Variants in USP10 observed in about 807,000 individuals in gnomAD.
USP10 encodes the protein ubiquitin carboxyl-terminal hydrolase 10.
A neutral mutation model predicts 84.5 loss-of-function variants in USP10; 22 were observed. That is an observed-to-expected ratio of 0.26 (90% CI 0.19 to 0.37). USP10 has a LOEUF of 0.37. USP10 is among the 10% of genes least tolerant of loss of function. USP10 has a pLI of 1.00. For missense variants in USP10, 1,019 were observed against 998.9 expected, an observed-to-expected ratio of 1.02 and a Z score of -0.27; for synonymous variants, 454 against 387.6, an observed-to-expected ratio of 1.17 and a Z score of -2.01.
chr16:84,707,294 G>A (rs893564916), intron 1 of USP10, among the ~76,000 whole-genome samples: 2 of 152,186 alleles, frequency 1.3e-5, no homozygotes, highest in African/African-American at 4.8e-5. Flanking sequence ...AAACTTTAAT[G>A]TTACTAATTA....
At position 84,706,664 on chromosome 16, in the gene USP10, C is replaced by T. The variant is rs549549020; in HGVS notation, c.21+6553C>T. ...CACGCCATTCTCCTGCCTCAGCCTC[C>T]GGAGTAGCTGGGAATACAGGTGTGC... On this transcript the variant is annotated intron_variant, in intron 1 of 13. Coordinates refer to ENST00000219473, the MANE Select transcript of USP10 (RefSeq NM_005153.3). 2.3e-4 allele frequency among the ~76,000 whole-genome samples: 35 copies of T among 151,894 alleles called. No homozygotes were observed. The East Asian group carries it at 3.3e-3, about 14-fold the overall frequency.
chr16:84,771,054 CAAA>C (rs34058047), intron 11 of USP10, among the ~76,000 whole-genome samples: 4 of 130,626 alleles, frequency 3.1e-5, no homozygotes, highest in Non-Finnish European at 4.8e-5. Flanking sequence ...GAGACTGTCT[CAAA>C]AAAAAAAAAA....
At chr16:84,769,143 C>T (rs1036706796) in intron 11 of USP10, among the ~76,000 whole-genome samples, 2 of 152,138 alleles carry the variant, frequency 1.3e-5, no homozygotes, top group African/African-American at 2.4e-5. Context: ...CCATAGCATT[C>T]CTGCAAAGCG....
intron 2 of USP10, among the ~76,000 whole-genome samples, chr16:84,733,833 T>A (rs1192464941): frequency 2.0e-5 from 3 of 152,248 alleles, no homozygotes. Context: ...TTTTATCATA[T>A]ACGTGTATAT....
chr16:84,755,162 G>T (rs1231809849), intron 4 of USP10, among the ~76,000 whole-genome samples: 1 of 150,270 alleles, frequency 6.7e-6, no homozygotes, highest in African/African-American at 2.5e-5. Context: ...TTGTATGCCT[G>T]GCCCTGGTGG....
chr16:84,755,694 A>T (rs1262494470), intron 4 of USP10, among the ~76,000 whole-genome samples: 1 of 151,798 alleles, frequency 6.6e-6, no homozygotes, highest in Non-Finnish European at 1.5e-5. Context: ...GCTACTCGGG[A>T]GGCTGAGGCA....
intron 4 of USP10, among the ~76,000 whole-genome samples, chr16:84,752,391 C>G (rs955323464): frequency 3.3e-5 from 5 of 152,210 alleles, no homozygotes; most frequent in Admixed American, 6.5e-5. Flanking sequence ...AATAGATACA[C>G]CAATGGCAAT....
intron 4 of USP10, among the ~76,000 whole-genome samples, chr16:84,748,601 G>A (rs539929580): frequency 1.3e-5 from 2 of 152,270 alleles, no homozygotes; most frequent in East Asian, 3.9e-4. Flanking sequence ...ACCGCGCCCA[G>A]CTGAGAATAT....
chr16:84,730,084 C>T (rs79666811), intron 1 of USP10, among the ~76,000 whole-genome samples: 1,885 of 152,104 alleles, frequency 0.012, 30 homozygotes, highest in African/African-American at 0.043. Flanking sequence ...CAAGAAAACC[C>T]TCCAAAAAAC....
At chr16:84,762,834 T>C (rs1287643601) in intron 8 of USP10, among the ~76,000 whole-genome samples, 155 bp from the exon 9 acceptor site, 2 of 152,220 alleles carry the variant, frequency 1.3e-5, no homozygotes, top group Non-Finnish European at 2.9e-5. Flanking sequence ...ATTTCAGCTA[T>C]GCAAGGGAAA....
intron 3 of USP10, among the ~76,000 whole-genome samples, chr16:84,740,837 ACT>A (rs1277660967): frequency 6.6e-6 from 1 of 152,048 alleles, no homozygotes; most frequent in African/African-American, 2.4e-5. Flanking sequence ...ACTCAGGTCA[ACT>A]CTTCACCTCC....
intron 3 of USP10, among the ~76,000 whole-genome samples, chr16:84,744,360 T>G (rs964566268): frequency 6.6e-5 from 10 of 152,184 alleles, no homozygotes; most frequent in Admixed American, 6.5e-4. Flanking sequence ...TTACTTGCTT[T>G]TTATTACAAA....
At chr16:84,736,615 G>A (rs1371148427) in intron 2 of USP10, among the ~76,000 whole-genome samples, 1 of 152,196 alleles carries the variant, frequency 6.6e-6, no homozygotes, top group Non-Finnish European at 1.5e-5. Context: ...GAAAGAAAGA[G>A]AAAATGCTCA....
chr16:84,765,594 A>G (rs144350522), intron 10 of USP10, among the ~76,000 whole-genome samples: 92 of 152,108 alleles, frequency 6.0e-4, no homozygotes, highest in African/African-American at 2.2e-3. Flanking sequence ...TGTTGTGGCA[A>G]ATGGCAGGGT....
chr16:84,764,708 G>A (rs1285961269), intron 10 of USP10, among the ~76,000 whole-genome samples: 3 of 151,958 alleles, frequency 2.0e-5, no homozygotes, highest in Non-Finnish European at 4.4e-5. Context: ...ACAGGCACCT[G>A]TAATCCCAGC....
rs1912856029 is a variant in USP10, at chr16:84,758,633, C to G, written c.1193-83C>G. On this transcript the variant is annotated intron_variant, in intron 4 of 13. Coordinates refer to ENST00000219473, the MANE Select transcript of USP10 (RefSeq NM_005153.3). ...TTACTGAAGGGATTTTAAATGCTGTCCCAGAGTAGAGCATGTGAAATGATT... is the reference window on the plus strand; with the variant it reads ...TTACTGAAGGGATTTTAAATGCTGTGCCAGAGTAGAGCATGTGAAATGATT... The G allele has an allele frequency of 5.5e-5, 54 of 984,004 alleles. 1 individual carries two copies. The South Asian group carries it at 7.3e-4, about 13-fold the overall frequency. 61.0% of individuals were successfully genotyped at this position (984,004 alleles called of 1,614,324 possible).
chr16:84,773,721 A>G (rs1914688459), intron 12 of USP10, among the ~76,000 whole-genome samples: 2 of 152,310 alleles, frequency 1.3e-5, no homozygotes, highest in East Asian at 1.9e-4. Flanking sequence ...GAAAGATGCC[A>G]GTGAGAATCA....
chr16:84,768,416 A>T, intron 11 of USP10, 58 bp downstream of exon 11: 1 of 1,432,946 alleles, frequency 7.0e-7, no homozygotes, highest in Non-Finnish European at 9.3e-7. Context: ...TGGTGGAAAG[A>T]ACACAAAATT....
At chr16:84,733,366 T>C (rs1241042684) in intron 1 of USP10, 69 bp from the exon 2 acceptor site, 1 of 1,236,882 alleles carries the variant, frequency 8.1e-7, no homozygotes, top group Non-Finnish European at 1.2e-6. Context: ...TTAAAATATG[T>C]AGCATTTTTT....
Sources: gnomAD v4.1 joint callset for allele counts (sites outside exome capture counted in the v4.1 genomes callset) on GRCh38, gnomAD v4.1.1 for gene constraint, MANE v1.5 for transcripts, NCBI Gene and HGNC (gene_info 2026-07-23, HGNC 2026-07-21) for gene names.